Variants in TAFA2 observed in about 807,000 individuals in gnomAD.
TAFA2 encodes the protein TAFA chemokine like family member 2.
Under a neutral mutation model 18.8 loss-of-function variants are expected in TAFA2, and 7 were observed. The ratio of observed to expected loss-of-function variants is 0.37; its 90% confidence interval spans 0.21 to 0.70. TAFA2 has a LOEUF of 0.70. Ranked by LOEUF, TAFA2 falls within the 30% of genes least tolerant of loss-of-function variation. The pLI, the probability that TAFA2 is intolerant of heterozygous loss-of-function variation, is 0.53. For synonymous variants in TAFA2, 60 were observed against 54.2 expected (o/e 1.11, Z -0.47); for missense variants, 122 against 158.1 (o/e 0.77, Z 1.23).
intron 2 of TAFA2, among the ~76,000 whole-genome samples, chr12:61,770,063 G>A (rs1371822433): frequency 6.6e-6 from 1 of 151,968 alleles, no homozygotes; most frequent in Non-Finnish European, 1.5e-5. Context: ...GAACTTCTGG[G>A]AAGGAAGGAC....
At chr12:61,767,290 T>C (rs1869830605) in intron 2 of TAFA2, among the ~76,000 whole-genome samples, 1 of 152,120 alleles carries the variant, frequency 6.6e-6, no homozygotes, top group Non-Finnish European at 1.5e-5. Context: ...ACTATAAAAT[T>C]AGAAGAATCT....
At chr12:61,815,661 TA>T (rs1338864157) in intron 2 of TAFA2, among the ~76,000 whole-genome samples, 633 of 128,592 alleles carry the variant, frequency 4.9e-3, no homozygotes, top group Middle Eastern at 0.016. Flanking sequence ...AGACTCCGTC[TA>T]AAAAAAAAAA....
intron 1 of TAFA2, among the ~76,000 whole-genome samples, chr12:62,158,897 G>A (rs1027209254): frequency 6.6e-6 from 1 of 152,122 alleles, no homozygotes; most frequent in Non-Finnish European, 1.5e-5. Context: ...ATCAGAAGAG[G>A]CATTCAATAC....
At chr12:61,933,668 AG>A (rs1322109031) in intron 1 of TAFA2, among the ~76,000 whole-genome samples, 1 of 152,186 alleles carries the variant, frequency 6.6e-6, no homozygotes, top group Non-Finnish European at 1.5e-5. Flanking sequence ...GGCTACAGTG[AG>A]CCATTATCAC....
intron 1 of TAFA2, among the ~76,000 whole-genome samples, chr12:62,237,234 G>A (rs976432555): frequency 7.9e-5 from 12 of 152,262 alleles, no homozygotes; most frequent in African/African-American, 2.4e-4. Context: ...TTCGCCGGGC[G>A]CGGTGGCTCA....
intron 2 of TAFA2, among the ~76,000 whole-genome samples, chr12:61,760,964 T>A (rs575113370): frequency 6.6e-6 from 1 of 151,946 alleles, no homozygotes; most frequent in East Asian, 1.9e-4. Flanking sequence ...AATGACAGCA[T>A]AGACATATAG....
At chr12:62,058,935 C>G (rs1205951387) in intron 1 of TAFA2, among the ~76,000 whole-genome samples, 1 of 152,146 alleles carries the variant, frequency 6.6e-6, no homozygotes, top group Non-Finnish European at 1.5e-5. Flanking sequence ...AACCCCGTCT[C>G]TACTAAAAAT....
intron 1 of TAFA2, among the ~76,000 whole-genome samples, chr12:62,011,292 T>C (rs1471066721): frequency 6.7e-6 from 1 of 148,946 alleles, no homozygotes; most frequent in African/African-American, 2.5e-5. Flanking sequence ...ACGATGGCGG[T>C]TTTGTTGAAA....
At chr12:61,835,609 G>A (rs1872889348) in intron 2 of TAFA2, among the ~76,000 whole-genome samples, 1 of 151,866 alleles carries the variant, frequency 6.6e-6, no homozygotes, top group Non-Finnish European at 1.5e-5. Flanking sequence ...TTGTTGTAAT[G>A]AGTTTTACTA....
chr12:61,828,630 T>A (rs936559159), intron 2 of TAFA2, among the ~76,000 whole-genome samples: 1 of 151,856 alleles, frequency 6.6e-6, no homozygotes, highest in Admixed American at 6.6e-5. Flanking sequence ...AATATGGTTT[T>A]ACCAAGATTA....
At chr12:61,997,691 G>A (rs1880244250) in intron 1 of TAFA2, among the ~76,000 whole-genome samples, 1 of 152,054 alleles carries the variant, frequency 6.6e-6, no homozygotes, top group African/African-American at 2.4e-5. Flanking sequence ...AGCAATCCAG[G>A]AGACAGATGA....
intron 1 of TAFA2, among the ~76,000 whole-genome samples, chr12:62,239,082 C>G (rs1306879048): frequency 6.6e-6 from 1 of 152,198 alleles, no homozygotes; most frequent in Non-Finnish European, 1.5e-5. Context: ...AGAAGCCAGC[C>G]TTTCACTCCC....
chr12:62,237,757 GT>G (rs140322601), intron 1 of TAFA2, among the ~76,000 whole-genome samples: 12,545 of 152,176 alleles, frequency 0.082, 667 homozygotes, highest in Middle Eastern at 0.18. Flanking sequence ...GCATTAGATG[GT>G]GCATTAAGCC....
chr12:61,864,022 C>T (rs993782172), intron 2 of TAFA2, among the ~76,000 whole-genome samples: 23 of 152,128 alleles, frequency 1.5e-4, no homozygotes, highest in African/African-American at 5.3e-4. Context: ...TTATCTCCTG[C>T]TCTAGCCTGC....
At chr12:61,976,032 T>C (rs1879421921) in intron 1 of TAFA2, among the ~76,000 whole-genome samples, 1 of 151,818 alleles carries the variant, frequency 6.6e-6, no homozygotes, top group South Asian at 2.1e-4. Context: ...TTGTCCATCA[T>C]ACCTCAATAA....
At chr12:62,153,720 T>C (rs1024318612) in intron 1 of TAFA2, among the ~76,000 whole-genome samples, 1 of 151,354 alleles carries the variant, frequency 6.6e-6, no homozygotes, top group Non-Finnish European at 1.5e-5. Flanking sequence ...CAATGTCGTA[T>C]AGTGGAAAAG....
chr12:61,741,308 G>A (rs1476833370), intron 4 of TAFA2, among the ~76,000 whole-genome samples: 1 of 151,200 alleles, frequency 6.6e-6, no homozygotes, highest in Non-Finnish European at 1.5e-5. Context: ...GTGTGTATGT[G>A]TCTCCATCTC....
At chr12:61,778,242 T>C (rs1292038114) in intron 2 of TAFA2, among the ~76,000 whole-genome samples, 1 of 151,836 alleles carries the variant, frequency 6.6e-6, no homozygotes, top group Non-Finnish European at 1.5e-5. Flanking sequence ...GCTCATTCCT[T>C]GACTACTGTC....
At chr12:62,051,563 G>T (rs1245488871) in intron 1 of TAFA2, among the ~76,000 whole-genome samples, 3 of 151,892 alleles carry the variant, frequency 2.0e-5, no homozygotes, top group Admixed American at 6.6e-5. Flanking sequence ...ATTCAAAAAT[G>T]TACAATTTTT....
Sources: gnomAD v4.1 joint callset for allele counts (sites outside exome capture counted in the v4.1 genomes callset) on GRCh38, gnomAD v4.1.1 for gene constraint, MANE v1.5 for transcripts, NCBI Gene and HGNC (gene_info 2026-07-23, HGNC 2026-07-21) for gene names.